Variants in CHODL observed in about 807,000 individuals in gnomAD.
CHODL encodes chondrolectin, also known as transmembrane protein MT75.
In CHODL, 29 loss-of-function variants were observed where a neutral mutation model predicts 34.5. The observed-to-expected ratio is 0.84, with a 90% CI of 0.63 to 1.15. The LOEUF (loss-of-function observed/expected upper bound fraction) is 1.15. Among genes scored for constraint, CHODL ranks in the 50% most tolerant of loss-of-function variants. CHODL has a pLI of 0.00. For missense variants in CHODL, 332 were observed against 332.5 expected, an observed-to-expected ratio of 1.00 and a Z score of 0.01; for synonymous variants, 125 against 116.1, an observed-to-expected ratio of 1.08 and a Z score of -0.49.
At chr21:17,937,730 C>T (rs920131682) in intron 1 of CHODL, among the ~76,000 whole-genome samples, 3 of 152,096 alleles carry the variant, frequency 2.0e-5, no homozygotes, top group Non-Finnish European at 4.4e-5. Context: ...TCTACCTTCT[C>T]ATTTTTTTCA....
intron 2 of CHODL, among the ~76,000 whole-genome samples, chr21:18,217,408 CA>C (rs539142163): frequency 4.3e-4 from 65 of 152,102 alleles, no homozygotes; most frequent in African/African-American, 1.3e-3. Flanking sequence ...AAGTGCCAAG[CA>C]AAAGGGGGAA....
chr21:17,970,186 G>A (rs1276080895), intron 1 of CHODL, among the ~76,000 whole-genome samples: 1 of 152,212 alleles, frequency 6.6e-6, no homozygotes, highest in Non-Finnish European at 1.5e-5. Context: ...AATATAGTGT[G>A]TGTGTTTGGG....
intron 2 of CHODL, among the ~76,000 whole-genome samples, chr21:18,225,921 C>A (rs1044136962): frequency 6.6e-6 from 1 of 152,044 alleles, no homozygotes; most frequent in Non-Finnish European, 1.5e-5. Context: ...AATATGAATT[C>A]TCTAGGTCTG....
chr21:18,067,695 C>CT (rs2064748000), intron 2 of CHODL, among the ~76,000 whole-genome samples: 1 of 152,268 alleles, frequency 6.6e-6, no homozygotes, highest in African/African-American at 2.4e-5. Context: ...GCCTTAGTTC[C>CT]TTTTTCCTTC....
chr21:18,176,297 ATAC>A (rs1272688258), intron 2 of CHODL, among the ~76,000 whole-genome samples: 1 of 152,214 alleles, frequency 6.6e-6, no homozygotes, highest in African/African-American at 2.4e-5. Context: ...ATTATTAGGG[ATAC>A]AGTTAAGACC....
At chr21:18,024,781 A>G (rs2064158187) in intron 1 of CHODL, 1 of 152,210 alleles carries the variant, frequency 6.6e-6, no homozygotes, top group African/African-American at 2.4e-5. Context: ...CTGTAATGCC[A>G]TGGGAGTTTA....
At chr21:18,041,922 G>A (rs551567780) in intron 2 of CHODL, among the ~76,000 whole-genome samples, 12 of 151,892 alleles carry the variant, frequency 7.9e-5, no homozygotes, top group East Asian at 5.9e-4. Context: ...ATGAGAAAGC[G>A]TTTGTAGTCC....
intron 1 of CHODL, among the ~76,000 whole-genome samples, chr21:18,011,147 T>G (rs1207452015): frequency 6.6e-6 from 1 of 152,216 alleles, no homozygotes; most frequent in African/African-American, 2.4e-5. Context: ...TAAGGATATG[T>G]AGATGGGTAG....
chr21:17,996,857 C>G (rs550600575), intron 1 of CHODL, among the ~76,000 whole-genome samples: 1 of 151,820 alleles, frequency 6.6e-6, no homozygotes, highest in African/African-American at 2.4e-5. Context: ...CTATGAGAAA[C>G]CTGAAAATTT....
chr21:17,966,468 CA>C (rs1273405422), intron 1 of CHODL, among the ~76,000 whole-genome samples: 1 of 152,162 alleles, frequency 6.6e-6, no homozygotes, highest in African/African-American at 2.4e-5. Context: ...ACAGGCTTTT[CA>C]ATTGGCCCAC....
chr21:18,157,618 G>T (rs1223006276), intron 2 of CHODL, among the ~76,000 whole-genome samples: 1 of 152,056 alleles, frequency 6.6e-6, no homozygotes, highest in Non-Finnish European at 1.5e-5. Context: ...CATAACATGT[G>T]AGCAAAAAAT....
intron 2 of CHODL, among the ~76,000 whole-genome samples, chr21:18,203,447 A>T (rs975936393): frequency 6.6e-6 from 1 of 152,174 alleles, no homozygotes. Flanking sequence ...TCTAAGTTGC[A>T]TTTAAATCTC....
chr21:18,099,673 A>G (rs1601002191), intron 2 of CHODL, among the ~76,000 whole-genome samples: 2 of 152,194 alleles, frequency 1.3e-5, no homozygotes, highest in African/African-American at 2.4e-5. Flanking sequence ...ATTCTAACGG[A>G]AAACAGTTTC....
In CHODL at chr21:18,010,288, CT is replaced by C. The variant is rs1303065854; in HGVS notation, c.-144-17583del. 5.2e-5 allele frequency among the ~76,000 whole-genome samples: 6 copies of C among 115,976 alleles called. No homozygotes were observed. The Admixed American group carries it at 5.7e-4, about 11-fold the overall frequency. The allele number at this position is 115,976 out of a possible 152,430, so 76.1% of individuals were successfully genotyped here. A position where few individuals can be genotyped will look rare whatever the true frequency, so the allele number is the denominator to read the frequency against. ...CTCCAGCCTGGGCGACAGAGCAAGA[CT>C]CCCGTCTCAAAAAAAAAAAAAAAAA... On this transcript the variant is annotated intron_variant, in intron 1 of 6. Coordinates refer to the CHODL transcript ENST00000400127.
intron 2 of CHODL, among the ~76,000 whole-genome samples, chr21:18,087,509 G>A (rs1313089061): frequency 6.6e-6 from 1 of 152,180 alleles, no homozygotes; most frequent in Admixed American, 6.5e-5. Context: ...CAGTCTCACG[G>A]CAGCCCATTG....
intron 1 of CHODL, among the ~76,000 whole-genome samples, chr21:17,973,001 A>G (rs1327494248): frequency 6.6e-6 from 1 of 152,116 alleles, no homozygotes; most frequent in African/African-American, 2.4e-5. Flanking sequence ...ATCTACCACC[A>G]TCTGATCTTT....
chr21:18,101,102 T>C (rs1030616632), intron 2 of CHODL, among the ~76,000 whole-genome samples: 1 of 152,138 alleles, frequency 6.6e-6, no homozygotes, highest in African/African-American at 2.4e-5. Flanking sequence ...GATGATTGAA[T>C]AATGGGGGTG....
intron 2 of CHODL, among the ~76,000 whole-genome samples, chr21:18,107,020 A>G (rs1431386021): frequency 2.0e-5 from 3 of 152,236 alleles, no homozygotes; most frequent in Non-Finnish European, 4.4e-5. Flanking sequence ...TATTATGATA[A>G]GAAGGACTAA....
intron 2 of CHODL, among the ~76,000 whole-genome samples, chr21:18,180,055 G>A (rs1792026568): frequency 6.6e-6 from 1 of 152,120 alleles, no homozygotes; most frequent in African/African-American, 2.4e-5. Flanking sequence ...TATTGTTGTA[G>A]GGATTAAATG....
Sources: allele counts gnomAD v4.1 joint callset (sites outside exome capture counted in the v4.1 genomes callset), GRCh38; gene constraint gnomAD v4.1.1; transcripts MANE v1.5; gene names NCBI Gene and HGNC (gene_info 2026-07-23, HGNC 2026-07-21).